Variants in BCL2 observed in about 807,000 individuals in gnomAD.
BCL2 encodes the protein apoptosis regulator Bcl-2.
BCL2 carries 1 observed loss-of-function variant against 14.2 expected under a neutral mutation model. That is an observed-to-expected ratio of 0.07 (90% CI 0.02 to 0.33). The LOEUF is 0.33. Among genes scored for constraint, BCL2 ranks in the 10% least tolerant of loss-of-function variants. The pLI, the probability that BCL2 is intolerant of heterozygous loss-of-function variation, is 0.99. For missense variants in BCL2, 247 were observed against 305.9 expected (o/e 0.81, Z 1.44); for synonymous variants, 151 against 137.2 (o/e 1.10, Z -0.70).
chr18:63,184,923 T>A (rs1455391484), intron 2 of BCL2, among the ~76,000 whole-genome samples: 1 of 152,198 alleles, frequency 6.6e-6, no homozygotes, highest in Non-Finnish European at 1.5e-5. Context: ...GATGTCTGAA[T>A]GTGATCAATG....
chr18:63,227,870 G>C (rs922637221), intron 2 of BCL2, among the ~76,000 whole-genome samples: 8 of 152,312 alleles, frequency 5.3e-5, no homozygotes, highest in Middle Eastern at 3.4e-3. Context: ...ACAAGAACTT[G>C]GTATAGTCAT....
chr18:63,231,637 A>C (rs953505018), intron 2 of BCL2, among the ~76,000 whole-genome samples: 11 of 152,198 alleles, frequency 7.2e-5, no homozygotes, highest in Non-Finnish European at 1.2e-4. Context: ...AATCTAAAGA[A>C]AGAGGTGCAA....
At position 63,123,998 on chromosome 18, in the gene BCL2, T is replaced by A; in HGVS notation, c.*4627A>T. The A allele has an allele frequency of 4.5e-6, 1 of 221,452 alleles. No individual in the cohort carries two copies. The highest frequency in any genetic ancestry group is 9.0e-6 in the Non-Finnish European group (1 of 110,718). The allele number at this position is 221,452 out of a possible 1,614,324, so 13.7% of individuals were successfully genotyped here. On this transcript the variant is annotated 3_prime_UTR_variant, in exon 3 of 3. Coordinates refer to ENST00000333681, the MANE Select transcript of BCL2 (RefSeq NM_000633.3). ...CTCAGCTTGGTATGCAGAACAACCTTGTTGTTGATAGGATGTTTGCTTGAA... is the reference window on the plus strand; with the variant it reads ...CTCAGCTTGGTATGCAGAACAACCTAGTTGTTGATAGGATGTTTGCTTGAA...
At chr18:63,194,906 G>A (rs1909403478) in intron 2 of BCL2, among the ~76,000 whole-genome samples, 1 of 152,204 alleles carries the variant, frequency 6.6e-6, no homozygotes, top group Non-Finnish European at 1.5e-5. Flanking sequence ...GAGTCGGCCT[G>A]GGGAAGTCCT....
chr18:63,212,546 G>T lies in BCL2; in HGVS notation c.586-83787C>A, dbSNP rs148694221. ...GCCACAAGCCACAGTGGGAACTCAG[G>T]GAGCTTAGGTCAGGATTCCAAGCTT... On this transcript the variant is annotated intron_variant, in intron 2 of 2. Coordinates refer to ENST00000333681, the MANE Select transcript of BCL2 (RefSeq NM_000633.3). Among the ~76,000 whole-genome samples the T allele has an allele frequency of 1.4e-3, 214 of 151,592 alleles. 6 individuals carry two copies. The highest frequency in any genetic ancestry group is 3.3e-3 in the East Asian group (17 of 5,148).
In BCL2 at chr18:63,169,371, CTTTCTTTCTTTCTTTCTT is replaced by C. The variant is rs1462684154; in HGVS notation, c.586-40630_586-40613del. ...TTTCTTTCTTTCTTTCTTTCTTTCT[CTTTCTTTCTTTCTTTCTT>C]TTTCTTTCTTTCTTTTTCTTTCTCT... is the stretch of plus-strand genomic sequence containing the variant. On this transcript the variant is annotated intron_variant, in intron 2 of 2. Coordinates refer to ENST00000333681, the MANE Select transcript of BCL2 (RefSeq NM_000633.3). Among the ~76,000 whole-genome samples the C allele has an allele frequency of 8.4e-5, 3 of 35,920 alleles. 1 individual carries two copies. Among genetic ancestry groups the C allele is most frequent in the Non-Finnish European group, 2.1e-4 (3 of 14,600 alleles). The allele number at this position is 35,920 out of a possible 152,430, so 23.6% of individuals were successfully genotyped here. A position where few individuals can be genotyped will look rare whatever the true frequency, so the allele number is the denominator to read the frequency against.
At chr18:63,135,016 T>C (rs530475674) in intron 2 of BCL2, among the ~76,000 whole-genome samples, 23 of 152,374 alleles carry the variant, frequency 1.5e-4, no homozygotes, top group African/African-American at 5.0e-4. Context: ...CAAAGTATGT[T>C]CAGATTCCCT....
At chr18:63,250,288 G>C (rs1350349355) in intron 2 of BCL2, among the ~76,000 whole-genome samples, 1 of 152,122 alleles carries the variant, frequency 6.6e-6, no homozygotes, top group Non-Finnish European at 1.5e-5. Context: ...TGTGAATGTA[G>C]GAAAGAGTGA....
chr18:63,303,424 G>T (rs1295035079), intron 2 of BCL2, among the ~76,000 whole-genome samples: 1 of 152,148 alleles, frequency 6.6e-6, no homozygotes, highest in Non-Finnish European at 1.5e-5. Flanking sequence ...TTGTAGGAAA[G>T]ATTTCACCTT....
intron 2 of BCL2, among the ~76,000 whole-genome samples, chr18:63,297,241 G>A (rs1176096069): frequency 1.3e-5 from 2 of 151,826 alleles, no homozygotes; most frequent in Non-Finnish European, 1.5e-5. Flanking sequence ...GAAATATAAT[G>A]GGAACCACAT....
At chr18:63,162,055 A>G (rs1225072408) in intron 2 of BCL2, among the ~76,000 whole-genome samples, 2 of 152,170 alleles carry the variant, frequency 1.3e-5, no homozygotes, top group Non-Finnish European at 2.9e-5. Context: ...CTACACAGGG[A>G]GGGAACGATG....
chr18:63,247,490 G>A (rs537160329), intron 2 of BCL2, among the ~76,000 whole-genome samples: 6 of 152,062 alleles, frequency 3.9e-5, no homozygotes, highest in East Asian at 1.9e-4. Context: ...GAGCCACCGC[G>A]CCCGGCCACA....
intron 2 of BCL2, among the ~76,000 whole-genome samples, chr18:63,191,060 C>G (rs1157128811): frequency 6.6e-6 from 1 of 152,200 alleles, no homozygotes; most frequent in Non-Finnish European, 1.5e-5. Flanking sequence ...GCATAGTATT[C>G]CATGATGTAC....
chr18:63,311,314 A>T (rs1352700940), intron 2 of BCL2, among the ~76,000 whole-genome samples: 1 of 152,190 alleles, frequency 6.6e-6, no homozygotes, highest in Non-Finnish European at 1.5e-5. Context: ...AGCTGGAAAA[A>T]GTCAAGAAGA....
chr18:63,184,442 C>G (rs1374270122), intron 2 of BCL2, among the ~76,000 whole-genome samples: 3 of 152,248 alleles, frequency 2.0e-5, no homozygotes, highest in Admixed American at 6.5e-5. Context: ...TGGGTGTCAG[C>G]CCCTAAGAGA....
At chr18:63,283,968 A>G (rs147690844) in intron 2 of BCL2, among the ~76,000 whole-genome samples, 5 of 152,308 alleles carry the variant, frequency 3.3e-5, no homozygotes, top group African/African-American at 9.6e-5. Flanking sequence ...TGGAGACTCC[A>G]CAGCGACAGC....
chr18:63,170,414 G>A (rs552348392), intron 2 of BCL2, among the ~76,000 whole-genome samples: 5 of 152,272 alleles, frequency 3.3e-5, no homozygotes, highest in South Asian at 4.1e-4. Flanking sequence ...TCGTAATATG[G>A]ACACCTGGGC....
chr18:63,169,852 C>T lies in BCL2; in HGVS notation c.586-41093G>A, dbSNP rs193069600. ...TTCTTTAAGGGGTAGATGCCGGTGG[C>T]CGTCATCAAAGTAATTCTAATGCTA... On this transcript the variant is annotated intron_variant, in intron 2 of 2. Transcript: ENST00000333681. Among the ~76,000 whole-genome samples, 298 of 152,056 alleles carry T rather than the reference C, an allele frequency of 2.0e-3. 2 individuals are homozygous for T. Among genetic ancestry groups the T allele is most frequent in the Non-Finnish European group, 2.5e-3 (171 of 67,986 alleles).
intron 2 of BCL2, among the ~76,000 whole-genome samples, chr18:63,157,297 A>C (rs1005354475): frequency 6.6e-6 from 1 of 152,236 alleles, no homozygotes. Context: ...CCTTGTTCCA[A>C]GTGAAGTTAC....
Sources: allele counts gnomAD v4.1 joint callset (sites outside exome capture counted in the v4.1 genomes callset), GRCh38; gene constraint gnomAD v4.1.1; transcripts MANE v1.5; gene names NCBI Gene and HGNC (gene_info 2026-07-23, HGNC 2026-07-21).